Variants in CTNNBL1 observed in about 807,000 individuals in gnomAD.
CTNNBL1 encodes beta-catenin-like protein 1.
CTNNBL1 carries 31 observed loss-of-function variants against 72.7 expected under a neutral mutation model. The observed-to-expected ratio is 0.43, with a 90% CI of 0.32 to 0.58. The LOEUF (loss-of-function observed/expected upper bound fraction) is 0.58, where lower values mean the gene tolerates loss of function less well. Ranked by LOEUF, CTNNBL1 falls within the 20% of genes least tolerant of loss-of-function variation. The pLI, the probability that CTNNBL1 is intolerant of heterozygous loss-of-function variation, is 0.08. For synonymous variants in CTNNBL1, 240 were observed against 267.3 expected (o/e 0.90, Z 1.00); for missense variants, 534 against 725.1 (o/e 0.74, Z 3.03).
At chr20:37,825,811 G>T (rs566381112) in intron 11 of CTNNBL1, among the ~76,000 whole-genome samples, 10 of 152,302 alleles carry the variant, frequency 6.6e-5, no homozygotes, top group Middle Eastern at 3.4e-3. Context: ...CAAGTCGCTG[G>T]TGCCCAGCTC....
At chr20:37,803,957 C>G (rs1320637141) in intron 11 of CTNNBL1, among the ~76,000 whole-genome samples, 1 of 152,144 alleles carries the variant, frequency 6.6e-6, no homozygotes, top group Non-Finnish European at 1.5e-5. Context: ...GAACTCCCGC[C>G]TCTCTCTTTT....
chr20:37,752,338 G>C (rs1231106039), intron 4 of CTNNBL1, among the ~76,000 whole-genome samples: 1 of 152,104 alleles, frequency 6.6e-6, no homozygotes, highest in Non-Finnish European at 1.5e-5. Context: ...GCTTTAAAAG[G>C]AGAAAAAGAC....
At chr20:37,822,260 A>G (rs980922069) in intron 11 of CTNNBL1, among the ~76,000 whole-genome samples, 1 of 152,110 alleles carries the variant, frequency 6.6e-6, no homozygotes, top group African/African-American at 2.4e-5. Context: ...AACAGAGAAG[A>G]TGACATGGCC....
chr20:37,831,056 G>T (rs957937719), intron 11 of CTNNBL1, among the ~76,000 whole-genome samples: 1 of 152,156 alleles, frequency 6.6e-6, no homozygotes, highest in African/African-American at 2.4e-5. Context: ...TGTGCCCATA[G>T]AACCCCAAAT....
chr20:37,710,548 C>T (rs886477190), intron 1 of CTNNBL1, among the ~76,000 whole-genome samples: 2 of 152,076 alleles, frequency 1.3e-5, no homozygotes, highest in Admixed American at 1.3e-4. Context: ...TGTTGCTTTT[C>T]CTCTAGCATC....
At chr20:37,728,083 A>AT (rs1282541419) in intron 1 of CTNNBL1, among the ~76,000 whole-genome samples, 1 of 152,200 alleles carries the variant, frequency 6.6e-6, no homozygotes, top group East Asian at 1.9e-4. Context: ...TTTAGCTTGT[A>AT]TCAGGGAGCT....
At chr20:37,811,952 G>T (rs766596829) in intron 11 of CTNNBL1, among the ~76,000 whole-genome samples, 2 of 152,212 alleles carry the variant, frequency 1.3e-5, no homozygotes, top group African/African-American at 2.4e-5. Context: ...AGCAAAATTT[G>T]AGCCTAAGTC....
chr20:37,718,515 C>T (rs1787468549), intron 1 of CTNNBL1, among the ~76,000 whole-genome samples: 2 of 148,260 alleles, frequency 1.3e-5, no homozygotes, highest in South Asian at 4.3e-4. Flanking sequence ...AGAGGGGCTC[C>T]TCACTTCCCA....
At chr20:37,857,173 G>A (rs2072450258) in intron 13 of CTNNBL1, among the ~76,000 whole-genome samples, 1 of 152,202 alleles carries the variant, frequency 6.6e-6, no homozygotes, top group Non-Finnish European at 1.5e-5. Flanking sequence ...TCATGATTAT[G>A]AGCAAATGAG....
At chr20:37,697,242 G>T (rs1458547645) in intron 1 of CTNNBL1, among the ~76,000 whole-genome samples, 1 of 152,058 alleles carries the variant, frequency 6.6e-6, no homozygotes, top group Non-Finnish European at 1.5e-5. Flanking sequence ...GGCTTTTGTT[G>T]TATTTTTATT....
chr20:37,742,625 AT>A (rs1331955739), intron 3 of CTNNBL1, among the ~76,000 whole-genome samples: 1 of 152,068 alleles, frequency 6.6e-6, no homozygotes, highest in Non-Finnish European at 1.5e-5. Flanking sequence ...GAACTTTTGA[AT>A]TGATTCTGTC....
chr20:37,867,635 T>TCTCTCCCCTCATCCTTTTCTCC (rs2072547065), intron 15 of CTNNBL1, among the ~76,000 whole-genome samples: 2 of 152,018 alleles, frequency 1.3e-5, no homozygotes, highest in Non-Finnish European at 2.9e-5. Context: ...GCCTCTTCCC[T>TCTCTCCCCTCATCCTTTTCTCC]CTCTCCCCTC....
intron 11 of CTNNBL1, among the ~76,000 whole-genome samples, chr20:37,826,895 A>C (rs1030804509): frequency 5.9e-5 from 9 of 152,350 alleles, no homozygotes; most frequent in Middle Eastern, 3.4e-3. Flanking sequence ...AGTAAAATGC[A>C]TGGCTCTTGA....
chr20:37,837,217 G>A (rs959286784), intron 11 of CTNNBL1, among the ~76,000 whole-genome samples: 2 of 152,086 alleles, frequency 1.3e-5, no homozygotes, highest in Non-Finnish European at 2.9e-5. Flanking sequence ...CCCGAGCTGA[G>A]CTCTGTTAGC....
chr20:37,722,832 A>G (rs1488030198), intron 1 of CTNNBL1, among the ~76,000 whole-genome samples: 2 of 152,208 alleles, frequency 1.3e-5, no homozygotes, highest in Non-Finnish European at 2.9e-5. Context: ...CTTTTAGATC[A>G]GTGCTGTTTT....
At chr20:37,775,844 T>C (rs1048042417) in intron 7 of CTNNBL1, among the ~76,000 whole-genome samples, 1 of 152,220 alleles carries the variant, frequency 6.6e-6, no homozygotes, top group African/African-American at 2.4e-5. Context: ...TCTAGTGACC[T>C]ACTGTCTTTT....
intron 13 of CTNNBL1, among the ~76,000 whole-genome samples, chr20:37,847,192 A>G (rs750860239): frequency 1.2e-4 from 19 of 152,330 alleles, no homozygotes; most frequent in South Asian, 2.1e-4. Flanking sequence ...AACTATAGCA[A>G]TATTTCATAA....
At chr20:37,789,856 T>C (rs1265155776) in intron 10 of CTNNBL1, among the ~76,000 whole-genome samples, 1 of 152,228 alleles carries the variant, frequency 6.6e-6, no homozygotes, top group Non-Finnish European at 1.5e-5. Context: ...ATGAAGCTTA[T>C]TACTTCTGCT....
intron 10 of CTNNBL1, 102 bp from the exon 11 acceptor site, chr20:37,802,765 C>A: frequency 1.1e-6 from 1 of 886,616 alleles, no homozygotes. Flanking sequence ...GTAATATTTC[C>A]ATTTAGATGT....
Sources: gnomAD v4.1 joint callset for allele counts (sites outside exome capture counted in the v4.1 genomes callset) on GRCh38, gnomAD v4.1.1 for gene constraint, MANE v1.5 for transcripts, NCBI Gene and HGNC (gene_info 2026-07-23, HGNC 2026-07-21) for gene names.